PHF21A: variants seen among roughly 807,000 people sequenced by gnomAD.
The protein encoded by PHF21A is BHC80a.
PHF21A carries 11 observed loss-of-function variants against 82.5 expected under a neutral mutation model. The ratio of observed to expected loss-of-function variants is 0.13; its 90% confidence interval spans 0.08 to 0.22. The LOEUF (loss-of-function observed/expected upper bound fraction) is 0.22. Ranked by LOEUF, PHF21A falls within the 10% of genes least tolerant of loss-of-function variation. The pLI is 1.00. For missense variants in PHF21A, 579 were observed against 837.8 expected (o/e 0.69, Z 3.81); for synonymous variants, 297 against 302.8 (o/e 0.98, Z 0.20).
intron 6 of PHF21A, among the ~76,000 whole-genome samples, chr11:45,998,801 T>G (rs952383780): frequency 6.7e-6 from 1 of 149,974 alleles, no homozygotes; most frequent in Non-Finnish European, 1.5e-5. Flanking sequence ...ATTACAGGCA[T>G]GAGCCACCAC....
At chr11:45,948,734 C>G in intron 14 of PHF21A, 152 bp downstream of exon 14, 1 of 690,116 alleles carries the variant, frequency 1.4e-6, no homozygotes, top group Non-Finnish European at 2.6e-6. Context: ...ATCTCATTCT[C>G]TTTTCTCTCC....
chr11:46,094,906 G>A (rs929462911), intron 1 of PHF21A, among the ~76,000 whole-genome samples: 2 of 152,018 alleles, frequency 1.3e-5, no homozygotes, highest in Non-Finnish European at 2.9e-5. Context: ...CCCAAAAAAA[G>A]ACAAATCATG....
Position 45,965,575 on chromosome 11 carries a change from G to C in PHF21A, c.736C>G (p.Pro246Ala). Residue 246 changes from proline (P) to alanine (A), a missense_variant, in exon 10 of 19, where the codon CCT (proline) becomes GCT (alanine). Pro to Ala is a conservative substitution (Grantham distance 27, BLOSUM62 -1). Around this residue, in one of 3 missense-constraint regions of PHF21A, gnomAD observed 410 missense variants for 642.1 expected, o/e 0.64. Transcript: ENST00000676320. The part of the protein sequence containing the change: ...RPKPVAQNNI[P>A]IAPAPPPMLA... Reference sequence around the variant, plus strand: ...ATGGGAGGTGGTGCTGGGGCAATAGGAATGTTATTCTGGGCCACAGGCTTG... The same window carrying C: ...ATGGGAGGTGGTGCTGGGGCAATAGCAATGTTATTCTGGGCCACAGGCTTG... 6 of 1,572,238 alleles carry C rather than the reference G, an allele frequency of 3.8e-6. No homozygotes were observed. The highest frequency in any genetic ancestry group is 5.2e-6 in the Non-Finnish European group (6 of 1,157,078).
At chr11:46,048,688 T>A (rs551354775) in intron 6 of PHF21A, among the ~76,000 whole-genome samples, 2 of 152,000 alleles carry the variant, frequency 1.3e-5, no homozygotes, top group Non-Finnish European at 2.9e-5. Flanking sequence ...GAGAATCGCT[T>A]GAACCCGGGA....
At chr11:45,955,013 G>A (rs920122023) in intron 10 of PHF21A, among the ~76,000 whole-genome samples, 10 of 152,134 alleles carry the variant, frequency 6.6e-5, no homozygotes, top group South Asian at 2.1e-4. Flanking sequence ...TAAAGAAAGC[G>A]TAAGCATCTG....
intron 13 of PHF21A, 96 bp downstream of exon 13, chr11:45,949,306 G>A (rs1253237816): frequency 4.1e-6 from 4 of 977,398 alleles, no homozygotes; most frequent in Non-Finnish European, 6.6e-6. Flanking sequence ...TACAATCAGG[G>A]TGCTGCTCTT....
chr11:46,039,668 T>A (rs1229832370), intron 6 of PHF21A, among the ~76,000 whole-genome samples: 1 of 152,180 alleles, frequency 6.6e-6, no homozygotes, highest in Admixed American at 6.5e-5. Context: ...GAAGGCTGAA[T>A]TAAGTTTGAT....
At chr11:46,110,202 A>C (rs1016713676) in intron 1 of PHF21A, among the ~76,000 whole-genome samples, 1 of 152,190 alleles carries the variant, frequency 6.6e-6, no homozygotes, top group African/African-American at 2.4e-5. Context: ...TAATCCTTTT[A>C]ATATCATAGT....
intron 6 of PHF21A, among the ~76,000 whole-genome samples, chr11:45,981,933 T>C (rs1330277033): frequency 6.8e-6 from 1 of 148,086 alleles, no homozygotes; most frequent in Non-Finnish European, 1.5e-5. Flanking sequence ...TCTCTCTTTT[T>C]GTTTTTCTTT....
At chr11:45,936,858 A>T (rs1390477681) in intron 16 of PHF21A, 1 of 306,632 alleles carries the variant, frequency 3.3e-6, no homozygotes, top group African/African-American at 2.2e-5. Context: ...CATGACACCC[A>T]ACCACTCCCG....
chr11:45,952,331 T>C (rs948067357), intron 11 of PHF21A, among the ~76,000 whole-genome samples: 3 of 152,146 alleles, frequency 2.0e-5, no homozygotes, highest in African/African-American at 7.2e-5. Flanking sequence ...AGCCTAGACC[T>C]CCCGGGCTCA....
intron 6 of PHF21A, among the ~76,000 whole-genome samples, chr11:46,001,552 A>G (rs1374084211): frequency 6.6e-6 from 1 of 152,112 alleles, no homozygotes; most frequent in Admixed American, 6.6e-5. Flanking sequence ...AGGAAAACAA[A>G]AACACTGCTA....
chr11:45,948,928 T>C lies in PHF21A; in HGVS notation c.1246A>G (p.Thr416Ala), dbSNP rs369007930. Residue 416 changes from threonine (T) to alanine (A), a missense_variant, in exon 14 of 19, where the codon ACA becomes GCA. Thr to Ala is a moderately conservative substitution (Grantham distance 58). Coordinates refer to ENST00000676320, the MANE Select transcript of PHF21A (RefSeq NM_001352027.3). ...FEPERKKSAVTYLNSTMHPGT... is the reference protein window; with the variant it reads ...FEPERKKSAVAYLNSTMHPGT... ...GGGTGCATTGTGCTGTTTAGGTATG[T>C]CACTGCACTCTTCTTACGCTTTGAG... 11 of 1,614,032 alleles carry C rather than the reference T, an allele frequency of 6.8e-6. No homozygotes were observed. Among genetic ancestry groups the C allele is most frequent in the Non-Finnish European group, 9.3e-6 (11 of 1,179,886 alleles).
At chr11:46,012,250 AGCT>A (rs1565531418) in intron 6 of PHF21A, among the ~76,000 whole-genome samples, 1 of 152,156 alleles carries the variant, frequency 6.6e-6, no homozygotes, top group Non-Finnish European at 1.5e-5. Context: ...CTCTTTGTGC[AGCT>A]GCACTATTAC....
At chr11:46,101,899 G>T (rs575954129) in intron 1 of PHF21A, among the ~76,000 whole-genome samples, 1 of 147,012 alleles carries the variant, frequency 6.8e-6, no homozygotes, top group East Asian at 2.0e-4. Flanking sequence ...TCGCTCTGTC[G>T]CCAGGCTGGA....
At chr11:45,990,735 T>A (rs2094669880) in intron 6 of PHF21A, among the ~76,000 whole-genome samples, 1 of 151,940 alleles carries the variant, frequency 6.6e-6, no homozygotes, top group Non-Finnish European at 1.5e-5. Context: ...AAAGAAGACT[T>A]TATTTTTAGA....
intron 6 of PHF21A, among the ~76,000 whole-genome samples, chr11:45,991,571 CAT>C (rs773564577): frequency 2.0e-5 from 3 of 152,100 alleles, no homozygotes; most frequent in Non-Finnish European, 1.5e-5. Flanking sequence ...CACACACACA[CAT>C]GCACGCGTGC....
chr11:45,988,972 T>G (rs2094584973), intron 6 of PHF21A, among the ~76,000 whole-genome samples: 2 of 152,168 alleles, frequency 1.3e-5, no homozygotes, highest in Admixed American at 1.3e-4. Flanking sequence ...GTAGTTAAAT[T>G]TACCACCAAA....
At chr11:45,991,598 G>T (rs139761891) in intron 6 of PHF21A, among the ~76,000 whole-genome samples, 8 of 151,822 alleles carry the variant, frequency 5.3e-5, no homozygotes, top group African/African-American at 1.7e-4. Context: ...TTTCTCCTCC[G>T]CTCTGCTTTT....
Sources: allele counts gnomAD v4.1 joint callset (sites outside exome capture counted in the v4.1 genomes callset), GRCh38; gene constraint gnomAD v4.1.1; regional missense constraint gnomAD v4.1.1; transcripts MANE v1.5; gene names NCBI Gene and HGNC (gene_info 2026-07-23, HGNC 2026-07-21).